PSG3: variants seen among roughly 807,000 people sequenced by gnomAD.
The protein encoded by PSG3 is pregnancy-specific beta-1-glycoprotein 3.
PSG3 carries 61 observed loss-of-function variants against 47.5 expected under a neutral mutation model. That is an observed-to-expected ratio of 1.28 (90% confidence interval 1.05 to 1.59). The LOEUF (loss-of-function observed/expected upper bound fraction) is 1.59. Among genes scored for constraint, PSG3 ranks in the 40% most tolerant of loss-of-function variants. PSG3 has a pLI of 0.00. For missense variants in PSG3, 756 were observed against 524.0 expected (o/e 1.44, Z -4.32); for synonymous variants, 263 against 198.4 (o/e 1.33, Z -2.74).
Position 42,738,840 on chromosome 19 carries a change from G to A in PSG3, c.314C>T (p.Ala105Val). 6.2e-7 allele frequency: 1 copy of A among 1,614,140 alleles called. No homozygotes were observed. The change falls in exon 2 of 7, where the codon GCA becomes GTA. Residue 105 changes from alanine (A) to valine (V), a missense_variant. By Grantham distance (64) the Ala-to-Val change is moderately conservative. Transcript: ENST00000327495. ...GGTGACATTCTGGATCAGCAGGGAT[G>A]CATTGGAATATACTGTTTCTCGTCC... is the stretch of plus-strand genomic sequence containing the variant. ...YSGRETVYSN[A>V]SLLIQNVTRE...
chr19:42,739,209 C>T (rs1481664081), intron 1 of PSG3, 120 bp from the exon 2 acceptor site: 4 of 1,350,020 alleles, frequency 3.0e-6, no homozygotes, highest in Non-Finnish European at 1.0e-6. Flanking sequence ...CACACACACA[C>T]ATACAAACAC....
At chr19:42,722,833 T>C (rs149624911) in intron 6 of PSG3, among the ~76,000 whole-genome samples, 53 of 152,322 alleles carry the variant, frequency 3.5e-4, no homozygotes, top group African/African-American at 1.2e-3. Flanking sequence ...TTCTACCTAT[T>C]ACAACAAGAG....
chr19:42,737,137 A>G (rs1032703970), intron 2 of PSG3, among the ~76,000 whole-genome samples: 2 of 152,056 alleles, frequency 1.3e-5, no homozygotes, highest in African/African-American at 4.8e-5. Flanking sequence ...ACAGTCCAGG[A>G]CCAAGGAGCC....
At position 42,736,827 on chromosome 19, in the gene PSG3, G is replaced by T. The variant is rs548250942; in HGVS notation, c.430+1897C>A. On this transcript the variant is annotated intron_variant, in intron 2 of 6. Transcript: ENST00000327495. ...GTGACCTGGGGACATTGGCTCTAGA[G>T]GAAGCCTGGCAGGAGTGGCAACTCC... Among the ~76,000 whole-genome samples, 542 of 152,250 alleles carry T rather than the reference G, an allele frequency of 3.6e-3. 7 individuals are homozygous for T. Among genetic ancestry groups the T allele is most frequent in the Non-Finnish European group, 1.4e-3 (92 of 68,020 alleles).
At chr19:42,735,785 A>T (rs1380264114) in intron 2 of PSG3, among the ~76,000 whole-genome samples, 1 of 152,224 alleles carries the variant, frequency 6.6e-6, no homozygotes, top group African/African-American at 2.4e-5. Context: ...GTCTCTAGGA[A>T]GTGACCGGAG....
intron 1 of PSG3, 92 bp downstream of exon 1, chr19:42,740,229 T>C (rs1441531611): frequency 6.8e-6 from 11 of 1,609,954 alleles, no homozygotes; most frequent in African/African-American, 2.7e-5. Flanking sequence ...TGGCTTCTTT[T>C]ATTTTTTAGA....
At position 42,738,759 on chromosome 19, in the gene PSG3, C is replaced by G. The variant is rs1353239338; in HGVS notation, c.395G>C (p.Arg132Thr). ...LHIVKRGDGT[R>T]GETGHFTFTL... ...GAAGGTGAAATGTCCAGTTTCTCCT[C>G]TAGTCCCATCACCTCGCTTTACGAT... Residue 132 changes from arginine (R) to threonine (T), a missense_variant, in exon 2 of 7, where the codon AGA becomes ACA. By Grantham distance (71) the Arg-to-Thr change is moderately conservative (BLOSUM62 -1). Coordinates refer to ENST00000327495, the MANE Select transcript of PSG3 (RefSeq NM_021016.4). 1.2e-6 allele frequency: 2 copies of G among 1,614,008 alleles called. No homozygotes were observed. The highest frequency in any genetic ancestry group is 1.3e-5 in the African/African-American group (1 of 75,048).
intron 2 of PSG3, among the ~76,000 whole-genome samples, chr19:42,737,121 A>G (rs1019296096): frequency 2.0e-5 from 3 of 152,112 alleles, no homozygotes; most frequent in Non-Finnish European, 2.9e-5. Flanking sequence ...AGGTGCCCCC[A>G]GTTCCACAGT....
rs141843600 is a variant in PSG3, at chr19:42,727,365, TAAG to T, written c.1243+1755_1243+1757del. ...AAATATTTGCAAATTATATGTGTGA[TAAG>T]AAATTAATTTCCAGAATACATGAAA... On this transcript the variant is annotated intron_variant, in intron 5 of 6. Coordinates refer to ENST00000327495, the MANE Select transcript of PSG3 (RefSeq NM_021016.4). 9.4e-3 allele frequency among the ~76,000 whole-genome samples: 1,427 copies of T among 152,214 alleles called. 28 individuals are homozygous for T. Among genetic ancestry groups the T allele is most frequent in the African/African-American group, 0.033 (1,352 of 41,498 alleles).
At chr19:42,729,506 G>C (rs1022245816) in intron 4 of PSG3, 129 bp from the exon 5 acceptor site, 2 of 1,490,858 alleles carry the variant, frequency 1.3e-6, no homozygotes, top group Admixed American at 4.4e-5. Flanking sequence ...CCCCCTCTAT[G>C]TTCACTGAGC....
rs1009561907 is a variant in PSG3, at chr19:42,721,908, A to C, written c.*223T>G. The C allele has an allele frequency of 4.8e-6, 2 of 415,142 alleles. No individual in the cohort carries two copies. Among genetic ancestry groups the C allele is most frequent in the African/African-American group, 4.1e-5 (2 of 48,702 alleles). 25.7% of individuals were successfully genotyped at this position (415,142 alleles called of 1,614,324 possible). On this transcript the variant is annotated 3_prime_UTR_variant, in exon 7 of 7. Coordinates refer to ENST00000327495, the MANE Select transcript of PSG3 (RefSeq NM_021016.4). ...GGTTTTTTTCTTTGTCTTGAATTTC[A>C]TGAAGTATCAGCCTGTTCATTAAAA...
At chr19:42,729,419 G>C in intron 4 of PSG3, 42 bp from the exon 5 acceptor site, 1 of 1,582,090 alleles carries the variant, frequency 6.3e-7, no homozygotes, top group Non-Finnish European at 8.6e-7. Flanking sequence ...GTCATCCGAG[G>C]GAAGGGGATG....
At chr19:42,722,119 A>G (rs1252712668) in intron 6 of PSG3, 29 bp from the exon 7 acceptor site, 15 of 409,964 alleles carry the variant, frequency 3.7e-5, no homozygotes, top group South Asian at 1.3e-4. Context: ...TAAAATGACT[A>G]TGGTTAAAAA....
intron 6 of PSG3, among the ~76,000 whole-genome samples, chr19:42,722,355 A>G (rs1467439149): frequency 1.3e-5 from 2 of 152,084 alleles, no homozygotes; most frequent in African/African-American, 2.4e-5. Flanking sequence ...GGTTCCTGCC[A>G]TTCTCCTGCC....
At chr19:42,731,188 G>T (rs900511670) in intron 3 of PSG3, among the ~76,000 whole-genome samples, 2 of 152,206 alleles carry the variant, frequency 1.3e-5, no homozygotes, top group Non-Finnish European at 2.9e-5. Context: ...TGTAGAGCTT[G>T]ATGCCTATAG....
rs1186447697 is a variant in PSG3, at chr19:42,733,324, C to G, written c.431-262G>C. 49 of 653,580 alleles carry G rather than the reference C, an allele frequency of 7.5e-5. 1 individual carries two copies. The Admixed American group carries it at 1.6e-3, about 21-fold the overall frequency. The allele number at this position is 653,580 out of a possible 1,614,324, so 40.5% of individuals were successfully genotyped here. A position where few individuals can be genotyped will look rare whatever the true frequency, so the allele number is the denominator to read the frequency against. ...ATTGGGTCACGGAAAGACACAGGAC[C>G]AGCAGTCACAGCCCCTGGTGCCTCT... On this transcript the variant is annotated intron_variant, in intron 2 of 6. Coordinates refer to ENST00000327495, the MANE Select transcript of PSG3 (RefSeq NM_021016.4).
At chr19:42,735,883 C>A (rs1043899325) in intron 2 of PSG3, among the ~76,000 whole-genome samples, 1 of 152,154 alleles carries the variant, frequency 6.6e-6, no homozygotes, top group Non-Finnish European at 1.5e-5. Context: ...CAGGCCTGTC[C>A]AGCCTCTGAC....
intron 3 of PSG3, chr19:42,732,371 G>A: frequency 2.4e-5 from 7 of 288,790 alleles, no homozygotes; most frequent in Non-Finnish European, 4.0e-5. Context: ...AATGGTGGGG[G>A]CATCCAGGCC....
chr19:42,728,866 A>C (rs2122170319), intron 5 of PSG3, among the ~76,000 whole-genome samples: 1 of 152,314 alleles, frequency 6.6e-6, no homozygotes, highest in African/African-American at 2.4e-5. Flanking sequence ...ATCCTCTTCT[A>C]CCACATAGGG....
Sources: allele counts gnomAD v4.1 joint callset (sites outside exome capture counted in the v4.1 genomes callset), GRCh38; gene constraint gnomAD v4.1.1; transcripts MANE v1.5; gene names NCBI Gene and HGNC (gene_info 2026-07-23, HGNC 2026-07-21).